Variants in C22orf15 observed in about 807,000 individuals in gnomAD.
The protein encoded by C22orf15 is uncharacterized protein C22orf15.
Under a neutral mutation model 20.3 loss-of-function variants are expected in C22orf15, and 21 were observed. The observed-to-expected ratio is 1.04, with a 90% CI of 0.74 to 1.49. The LOEUF is 1.49. C22orf15 is among the 40% of genes most tolerant of loss of function. The pLI, the probability that C22orf15 is intolerant of heterozygous loss-of-function variation, is 0.00. For synonymous variants in C22orf15, 78 were observed against 75.4 expected, an observed-to-expected ratio of 1.03 and a Z score of -0.18; for missense variants, 170 against 191.1, an observed-to-expected ratio of 0.89 and a Z score of 0.65.
At position 23,763,077 on chromosome 22, in the gene C22orf15, G is replaced by T. The variant is rs1047646605; in HGVS notation, c.-230G>T. 4 of 565,206 alleles carry T rather than the reference G, an allele frequency of 7.1e-6. No homozygotes were observed. Among genetic ancestry groups the T allele is most frequent in the Non-Finnish European group, 1.2e-5 (4 of 327,178 alleles). The allele number at this position is 565,206 out of a possible 1,614,324, so 35.0% of individuals were successfully genotyped here. A position where few individuals can be genotyped will look rare whatever the true frequency, so the allele number is the denominator to read the frequency against. ...CAGGGCTCAGTGGGGAGGAAGAGGA[G>T]GCCAGGAGTCTTGGACTAGCTGCAG... On this transcript the variant is annotated 5_prime_UTR_variant, in exon 1 of 6. In the 5' UTR this introduces an upstream ATG that the reference lacks. Transcript: ENST00000402217.
At position 23,765,397 on chromosome 22, in the gene C22orf15, A is replaced by G. The variant is rs866661733; in HGVS notation, c.436-324A>G. On this transcript the variant is annotated intron_variant, in intron 5 of 5. Transcript: ENST00000402217. ...ATCAGGTGCAAACAGACAACAACCC[A>G]GCAGGACTCCTCTTGCAGAATCTGG... 73 of 1,551,114 alleles carry G rather than the reference A, an allele frequency of 4.7e-5. No homozygotes were observed. In the African/African-American group the frequency reaches 8.3e-4, roughly 18 times the overall value.
rs1395560796 is a variant in C22orf15 at position 23,763,284 on chromosome 22, C to T, written c.-23C>T. ...AGAGTTGGGGGATCAAAGCCCCCCA[C>T]ATCTCCCTCACCCGCTGCAGCTATG... On this transcript the variant is annotated 5_prime_UTR_variant, in exon 1 of 6. Coordinates refer to ENST00000402217, the MANE Select transcript of C22orf15 (RefSeq NM_182520.3). 5.2e-6 allele frequency: 8 copies of T among 1,550,252 alleles called. No homozygotes were observed. The South Asian group carries it at 7.2e-5, about 14-fold the overall frequency.
chr22:23,764,514 C>T (rs747966780), intron 3 of C22orf15, 117 bp downstream of exon 3: 8 of 1,564,066 alleles, frequency 5.1e-6, no homozygotes, highest in Non-Finnish European at 7.0e-6. Flanking sequence ...GGGGACCTAG[C>T]CCCAATCCAT....
Position 23,765,850 on chromosome 22 carries a change from CTT to C in C22orf15, c.*121_*122del. 6.5e-7 allele frequency: 1 copy of C among 1,531,278 alleles called. No individual in the cohort carries two copies. Among genetic ancestry groups the C allele is most frequent in the Non-Finnish European group, 8.9e-7 (1 of 1,126,442 alleles). 94.9% of individuals were successfully genotyped at this position (1,531,278 alleles called of 1,614,324 possible). ...ACAACAGGCTGTGGTCTAAAATAAACTTTTAATTGCACATTTGTGTCTTGGGT... is the reference window on the plus strand; with the variant it reads ...ACAACAGGCTGTGGTCTAAAATAAACTTAATTGCACATTTGTGTCTTGGGT... On this transcript the variant is annotated 3_prime_UTR_variant, in exon 6 of 6. Transcript: ENST00000402217.
At position 23,763,325 on chromosome 22, in the gene C22orf15, T is replaced by C. The variant is rs1926011932; in HGVS notation, c.19T>C (p.Phe7Leu). 1 of 1,549,306 alleles carries C rather than the reference T, an allele frequency of 6.5e-7. No homozygotes were observed. Among genetic ancestry groups the C allele is most frequent in the African/African-American group, 1.4e-5 (1 of 73,004 alleles). ...TGCAGCTATGTTTATCAAGGTGATG[T>C]TTGGGGGTAAGTGGGGTCCCCTGTC... MFIKVM[F>L]GAGCSVLVNT... The change falls in exon 1 of 6, where the codon TTT becomes CTT. Residue 7 changes from phenylalanine (F) to leucine (L), a missense_variant. Coordinates refer to ENST00000402217, the MANE Select transcript of C22orf15 (RefSeq NM_182520.3).
rs1365166684 is a variant in C22orf15 at position 23,765,417 on chromosome 22, A to G, written c.436-304A>G. The G allele has an allele frequency of 1.9e-6, 3 of 1,551,102 alleles. No individual in the cohort carries two copies. In the South Asian group the frequency reaches 3.6e-5, roughly 18 times the overall value. ...AACCCAGCAGGACTCCTCTTGCAGAATCTGGAATTGCTGAGAAGTTGCATC... is the reference window on the plus strand; with the variant it reads ...AACCCAGCAGGACTCCTCTTGCAGAGTCTGGAATTGCTGAGAAGTTGCATC... On this transcript the variant is annotated intron_variant, in intron 5 of 5. Transcript: ENST00000402217.
Position 23,764,333 on chromosome 22 carries a change from G to A in C22orf15, c.186G>A (p.Arg62=). 1 of 1,551,602 alleles carries A rather than the reference G, an allele frequency of 6.4e-7. No individual in the cohort carries two copies. The highest frequency in any genetic ancestry group is 8.7e-7 in the Non-Finnish European group (1 of 1,147,010). ...LEEDLKEGAS[R]AQTMGNSLLK... ...AGGACCTGAAGGAAGGGGCTTCCCG[G>A]GCCCAGACCATGGGCAACTCCCTAC... The change falls in exon 3 of 6, where the codon CGG becomes CGA. Residue 62 remains arginine, a synonymous_variant. Transcript: ENST00000402217.
chr22:23,765,702 G>T lies in C22orf15; in HGVS notation c.436-19G>T. 1 of 1,547,928 alleles carries T rather than the reference G, an allele frequency of 6.5e-7. No homozygotes were observed. Among genetic ancestry groups the T allele is most frequent in the Non-Finnish European group, 8.7e-7 (1 of 1,145,116 alleles). ...TACCCACAGTGCAGATTGCAACAGG[G>T]CTCCTCCTCCCCACCCAGGGCCCTG... On this transcript the variant is annotated intron_variant, in intron 5 of 5. Coordinates refer to ENST00000402217, the MANE Select transcript of C22orf15 (RefSeq NM_182520.3).
At chr22:23,763,981 C>T (rs1260877411) in intron 1 of C22orf15, 106 bp from the exon 2 acceptor site, 1 of 1,111,398 alleles carries the variant, frequency 9.0e-7, no homozygotes, top group South Asian at 1.4e-5. Context: ...AGCCCATAGG[C>T]CCAGTCGCAG....
Position 23,765,769 on chromosome 22 carries a change from T to C in C22orf15, c.*37T>C, listed in dbSNP as rs1359934210. ...GCACACTGTAGTGAGACATCCATCC[T>C]GACCCCACCTCATCAGCCAGGGAGC... On this transcript the variant is annotated 3_prime_UTR_variant, in exon 6 of 6. Coordinates refer to ENST00000402217, the MANE Select transcript of C22orf15 (RefSeq NM_182520.3). 2 of 1,548,594 alleles carry C rather than the reference T, an allele frequency of 1.3e-6. No individual in the cohort carries two copies. Among genetic ancestry groups the C allele is most frequent in the Non-Finnish European group, 1.7e-6 (2 of 1,145,184 alleles).
Position 23,764,365 on chromosome 22 carries a change from A to G in C22orf15, c.218A>G (p.Glu73Gly), listed in dbSNP as rs769666206. Residue 73 changes from glutamate to glycine, a missense_variant, in exon 3 of 6, where the codon GAG becomes GGG. Transcript: ENST00000402217. ...ACCATGGGCAACTCCCTACTGAAGGAGCGAGCCATATATGTCCTCGTTCGG... is the reference window on the plus strand; with the variant it reads ...ACCATGGGCAACTCCCTACTGAAGGGGCGAGCCATATATGTCCTCGTTCGG... Reference protein sequence around the residue: ...AQTMGNSLLKERAIYVLVRII... With the variant: ...AQTMGNSLLKGRAIYVLVRII... 1.5e-5 allele frequency: 24 copies of G among 1,552,110 alleles called. No homozygotes were observed. The highest frequency in any genetic ancestry group is 2.0e-5 in the Non-Finnish European group (23 of 1,147,314).
chr22:23,764,497 C>A (rs1926350454), intron 3 of C22orf15, 100 bp downstream of exon 3: 1 of 1,573,390 alleles, frequency 6.4e-7, no homozygotes, highest in African/African-American at 1.3e-5. Context: ...GGCCTCCCAC[C>A]TCGGCTGGGG....
chr22:23,765,042 C>A, intron 5 of C22orf15, 140 bp downstream of exon 5: 4 of 1,490,738 alleles, frequency 2.7e-6, no homozygotes, highest in Non-Finnish European at 3.5e-6. Flanking sequence ...ACCCTCAACA[C>A]CAACTCCACG....
chr22:23,765,820 G>A lies in C22orf15; in HGVS notation c.*88G>A, dbSNP rs946761383. On this transcript the variant is annotated 3_prime_UTR_variant, in exon 6 of 6. Transcript: ENST00000402217. The stretch of plus-strand genomic sequence containing the variant: ...TCCCTGAAGACAGGCCATCGAGAGA[G>A]GCACACAACAGGCTGTGGTCTAAAA... 94 of 1,531,860 alleles carry A rather than the reference G, an allele frequency of 6.1e-5. No individual in the cohort carries two copies. In the South Asian group the frequency reaches 1.1e-3, roughly 18 times the overall value. The allele number at this position is 1,531,860 out of a possible 1,614,324, so 94.9% of individuals were successfully genotyped here. A position where few individuals can be genotyped will look rare whatever the true frequency, so the allele number is the denominator to read the frequency against.
At chr22:23,763,715 C>T (rs1293991730) in intron 1 of C22orf15, among the ~76,000 whole-genome samples, 1 of 152,186 alleles carries the variant, frequency 6.6e-6, no homozygotes, top group Non-Finnish European at 1.5e-5. Flanking sequence ...GGAGGCGGGT[C>T]GGCCCTGTGC....
In C22orf15 at chr22:23,765,708, C is replaced by T. The variant is rs182672926; in HGVS notation, c.436-13C>T. The T allele has an allele frequency of 9.0e-5, 140 of 1,548,568 alleles. No homozygotes were observed. In the East Asian group the frequency reaches 3.0e-3, roughly 34 times the overall value. The stretch of plus-strand genomic sequence containing the variant: ...CAGTGCAGATTGCAACAGGGCTCCT[C>T]CTCCCCACCCAGGGCCCTGATTAAG... On this transcript the variant is annotated splice_polypyrimidine_tract_variant and intron_variant, in intron 5 of 5. Transcript: ENST00000402217.
intron 3 of C22orf15, 50 bp downstream of exon 3, chr22:23,764,447 G>A (rs1160641836): frequency 1.2e-6 from 2 of 1,605,770 alleles, no homozygotes; most frequent in South Asian, 1.1e-5. Context: ...GAATGTAAGA[G>A]GGGGGCATAG....
intron 5 of C22orf15, 113 bp downstream of exon 5, chr22:23,765,015 CAT>C: frequency 6.6e-7 from 1 of 1,507,748 alleles, no homozygotes; most frequent in East Asian, 2.3e-5. Flanking sequence ...AGGACAGACA[CAT>C]ATGATGAGGG....
intron 5 of C22orf15, chr22:23,765,326 T>G: frequency 6.5e-7 from 1 of 1,546,446 alleles, no homozygotes; most frequent in Non-Finnish European, 8.7e-7. Flanking sequence ...ACTAGCCAAG[T>G]TGGACTCAGA....
Sources: gnomAD v4.1 joint callset for allele counts (sites outside exome capture counted in the v4.1 genomes callset) on GRCh38, gnomAD v4.1.1 for gene constraint, MANE v1.5 for transcripts, NCBI Gene and HGNC (gene_info 2026-07-23, HGNC 2026-07-21) for gene names.